The following MROH7 variants were observed in gnomAD, a reference collection of about 807,000 sequenced individuals.
The protein encoded by MROH7 is maestro heat-like repeat-containing protein family member 7.
In MROH7, 113 loss-of-function variants were observed where a neutral mutation model predicts 129.2. That is an observed-to-expected ratio of 0.87 (90% confidence interval 0.75 to 1.02). The LOEUF (loss-of-function observed/expected upper bound fraction) is 1.02. Among genes scored for constraint, MROH7 ranks in the 50% least tolerant of loss-of-function variants. The pLI is 0.00. For synonymous variants in MROH7, 655 were observed against 667.9 expected (o/e 0.98, Z 0.30); for missense variants, 1,601 against 1,671.3 (o/e 0.96, Z 0.73).
At chr1:54,689,391 C>G (rs1207855720) in intron 15 of MROH7, among the ~76,000 whole-genome samples, 1 of 152,184 alleles carries the variant, frequency 6.6e-6, no homozygotes, top group African/African-American at 2.4e-5. Context: ...GCCTCTAGAA[C>G]TGCGAAAAAA....
intron 1 of MROH7, among the ~76,000 whole-genome samples, chr1:54,647,676 G>T (rs1644487457): frequency 6.6e-6 from 1 of 151,796 alleles, no homozygotes; most frequent in South Asian, 2.1e-4. Flanking sequence ...GGAGGCGGAG[G>T]TTGCAGTGAG....
At position 54,650,686 on chromosome 1, in the gene MROH7, TG is replaced by T. The variant is rs1170097181; in HGVS notation, c.-109-1262del. 7.2e-5 allele frequency among the ~76,000 whole-genome samples: 11 copies of T among 151,906 alleles called. No individual in the cohort carries two copies. The East Asian group carries it at 2.1e-3, about 30-fold the overall frequency. ...CTTATCTCCCTACTTTCCTTACCAA[TG>T]TTTAGTATTTCTCCCTATGCATGTT... On this transcript the variant is annotated intron_variant, in intron 1 of 23. Transcript: ENST00000421030.
intron 14 of MROH7, among the ~76,000 whole-genome samples, chr1:54,685,600 C>A (rs1211931575): frequency 2.6e-5 from 4 of 152,164 alleles, no homozygotes; most frequent in African/African-American, 9.6e-5. Flanking sequence ...TGGGCCCAGG[C>A]CAGGTCCAGA....
At chr1:54,655,837 T>C (rs992207446) in intron 3 of MROH7, among the ~76,000 whole-genome samples, 5 of 152,108 alleles carry the variant, frequency 3.3e-5, no homozygotes, top group Non-Finnish European at 7.3e-5. Flanking sequence ...ATTTAAAAAA[T>C]TCTTCATAGA....
chr1:54,666,696 C>G (rs931717720), intron 4 of MROH7, among the ~76,000 whole-genome samples: 1 of 151,992 alleles, frequency 6.6e-6, no homozygotes, highest in Admixed American at 6.6e-5. Context: ...ATCCTCCTGC[C>G]TAAGCCTTCC....
chr1:54,701,234 A>G lies in MROH7; in HGVS notation c.3197A>G (p.Lys1066Arg). 2 of 1,614,198 alleles carry G rather than the reference A, an allele frequency of 1.2e-6. No individual in the cohort carries two copies. Among genetic ancestry groups the G allele is most frequent in the Non-Finnish European group, 1.7e-6 (2 of 1,180,006 alleles). Residue 1066 changes from lysine (K) to arginine (R), a missense_variant, in exon 19 of 24, where the codon AAG becomes AGG. Physicochemically the swap from Lys to Arg is conservative, Grantham distance 26. Coordinates refer to ENST00000421030, the MANE Select transcript of MROH7 (RefSeq NM_001039464.4). ...GTGGTGGAAGCGGTCCACAACCTCA[A>G]GGCTGTCTTCAAGGGGCGGGACCAG... is the stretch of plus-strand genomic sequence containing the variant. ...MLVVEAVHNL[K>R]AVFKGRDQKL...
rs376327649 is a variant in MROH7 at position 54,680,001 on chromosome 1, C to T, written c.2337C>T (p.Thr779=). ...PVSLLASSFM[T]EVVVALLMCP... is the part of the protein sequence containing the mutation. ...CCCTCCTGGCTAGCTCCTTCATGAC[C>T]GAGGTTGTGGTGGCCCTGCTCATGT... The change falls in exon 13 of 24, where the codon ACC becomes ACT. Residue 779 remains threonine (T), a synonymous_variant. Coordinates refer to ENST00000421030, the MANE Select transcript of MROH7 (RefSeq NM_001039464.4). 1.0e-4 allele frequency: 162 copies of T among 1,613,898 alleles called. No homozygotes were observed. The highest frequency in any genetic ancestry group is 1.6e-4 in the East Asian group (7 of 44,884).
chr1:54,645,884 C>T (rs1026012386), intron 1 of MROH7, among the ~76,000 whole-genome samples: 11 of 152,054 alleles, frequency 7.2e-5, no homozygotes, highest in African/African-American at 2.7e-4. Context: ...AACTCCTGAG[C>T]TCAAATGATC....
chr1:54,703,113 C>T lies in MROH7; in HGVS notation c.3564+368C>T, dbSNP rs1039422965. Among the ~76,000 whole-genome samples the T allele has an allele frequency of 7.2e-5, 11 of 152,122 alleles. No homozygotes were observed. Among genetic ancestry groups the T allele is most frequent in the East Asian group, 1.9e-4 (1 of 5,188 alleles). ...CACATTTGATCAATCTTAAATATCC[C>T]GAGTATCTTGGAATCTGCTTTTCCC... is the stretch of plus-strand genomic sequence containing the variant. On this transcript the variant is annotated intron_variant, in intron 21 of 23. Coordinates refer to ENST00000421030, the MANE Select transcript of MROH7 (RefSeq NM_001039464.4). This position sits in a 1 kb window ranked among gnomAD's most constrained non-coding sequence, Gnocchi z 4.4.
intron 17 of MROH7, chr1:54,697,643 A>C (rs1200161116): frequency 4.3e-6 from 3 of 702,956 alleles, no homozygotes; most frequent in Non-Finnish European, 7.8e-6. Context: ...TATTTCACTA[A>C]TCTGCACAGC....
chr1:54,671,055 G>C, intron 7 of MROH7, 126 bp downstream of exon 7: 1 of 1,076,452 alleles, frequency 9.3e-7, no homozygotes, highest in Non-Finnish European at 1.3e-6. Flanking sequence ...GTTGGTCTGA[G>C]TAGGTACTTG....
chr1:54,673,620 T>C (rs1644935866), intron 8 of MROH7, 81 bp from the exon 9 acceptor site: 1 of 1,008,514 alleles, frequency 9.9e-7, no homozygotes, highest in African/African-American at 1.6e-5. Context: ...TTCCTGCTGA[T>C]GGGTGAAGGC....
intron 15 of MROH7, among the ~76,000 whole-genome samples, chr1:54,687,467 C>T (rs1029178703): frequency 4.6e-5 from 7 of 152,346 alleles, no homozygotes; most frequent in African/African-American, 7.2e-5. Flanking sequence ...CTCTGGATTT[C>T]GGGGCTTTCC....
intron 15 of MROH7, 63 bp from the exon 16 acceptor site, chr1:54,692,361 G>C: frequency 6.3e-7 from 1 of 1,594,436 alleles, no homozygotes; most frequent in Non-Finnish European, 8.6e-7. Context: ...GGCCGGGGTG[G>C]AGGGAGGCTT....
intron 16 of MROH7, among the ~76,000 whole-genome samples, chr1:54,692,992 T>C (rs181888438): frequency 1.3e-5 from 2 of 152,028 alleles, no homozygotes; most frequent in Admixed American, 1.3e-4. Flanking sequence ...AGCATGGAAA[T>C]AATAGTCAGA....
chr1:54,702,530 A>T (rs1252512101), intron 20 of MROH7, 93 bp from the exon 21 acceptor site: 1 of 1,270,050 alleles, frequency 7.9e-7, no homozygotes, highest in Non-Finnish European at 1.1e-6. Flanking sequence ...CACTTGTACA[A>T]TTTCAAATAG....
In MROH7 at chr1:54,674,012, A is replaced by G; in HGVS notation, c.1801-4A>G. 14 of 1,613,520 alleles carry G rather than the reference A, an allele frequency of 8.7e-6. No homozygotes were observed. The highest frequency in any genetic ancestry group is 1.2e-5 in the Non-Finnish European group (14 of 1,179,794). On this transcript the variant is annotated splice_polypyrimidine_tract_variant and splice_region_variant and intron_variant, in intron 9 of 23. Transcript: ENST00000421030. ...CTCAATCCCTAAGATTGCAATACAA[A>G]CAGATGCCCTTGGGGTTCCCGGCGC...
chr1:54,705,161 G>A (rs1318397249), intron 21 of MROH7, among the ~76,000 whole-genome samples: 1 of 152,174 alleles, frequency 6.6e-6, no homozygotes, highest in Non-Finnish European at 1.5e-5. Context: ...GCCCGTGGCT[G>A]CCAGCTTGTG....
At chr1:54,676,866 G>A (rs113402594) in intron 10 of MROH7, among the ~76,000 whole-genome samples, 42 of 151,982 alleles carry the variant, frequency 2.8e-4, no homozygotes, top group African/African-American at 9.9e-4. Flanking sequence ...GCACTACCGT[G>A]CCTGGCTAAT....
Sources: allele counts gnomAD v4.1 joint callset (sites outside exome capture counted in the v4.1 genomes callset), GRCh38; gene constraint gnomAD v4.1.1; non-coding constraint Gnocchi (gnomAD v3.1); transcripts MANE v1.5; gene names NCBI Gene and HGNC (gene_info 2026-07-23, HGNC 2026-07-21).